The following PIK3CG variants were observed in gnomAD, a reference collection of about 807,000 sequenced individuals.
PIK3CG encodes the protein phosphatidylinositol 4,5-bisphosphate 3-kinase catalytic subunit gamma isoform.
In PIK3CG, 55 loss-of-function variants were observed where a neutral mutation model predicts 102.3. The ratio of observed to expected loss-of-function variants is 0.54; its 90% CI spans 0.43 to 0.67. The LOEUF is 0.67. PIK3CG is among the 30% of genes least tolerant of loss of function. PIK3CG has a pLI of 0.00. For missense variants in PIK3CG, 1,258 were observed against 1,391.8 expected, an observed-to-expected ratio of 0.90 and a Z score of 1.53; for synonymous variants, 552 against 540.0, an observed-to-expected ratio of 1.02 and a Z score of -0.31.
At chr7:106,882,419 A>G (rs1048487351) in intron 7 of PIK3CG, 2 of 340,896 alleles carry the variant, frequency 5.9e-6, no homozygotes, top group African/African-American at 2.1e-5. Flanking sequence ...GTGACTATAC[A>G]TGGAAATGAT....
Position 106,894,193 on chromosome 7 carries a change from T to A in PIK3CG, c.3030+7901T>A, listed in dbSNP as rs1418980565. Among the ~76,000 whole-genome samples the A allele has an allele frequency of 6.6e-6, 1 of 152,162 alleles. No homozygotes were observed. Among genetic ancestry groups the A allele is most frequent in the Non-Finnish European group, 1.5e-5 (1 of 68,028 alleles). ...AACTAATGCTATTTTGACTTTTGTA[T>A]CTCCAAATAGTCCACCTTAAATCCT... On this transcript the variant is annotated intron_variant, in intron 10 of 10. Coordinates refer to ENST00000496166, the MANE Select transcript of PIK3CG (RefSeq NM_001282426.2). This position sits in a 1 kb window ranked among gnomAD's most constrained non-coding sequence, Gnocchi z 4.4.
At chr7:106,904,001 TC>T in intron 10 of PIK3CG, among the ~76,000 whole-genome samples, 2 of 152,100 alleles carry the variant, frequency 1.3e-5, no homozygotes. Context: ...CCTCAAGTGA[TC>T]CACCCACCTT....
chr7:106,876,968 C>T (rs139914959), intron 5 of PIK3CG, among the ~76,000 whole-genome samples: 112 of 151,996 alleles, frequency 7.4e-4, no homozygotes, highest in African/African-American at 2.4e-3. Context: ...GAAGCCAAGG[C>T]GGGAGGATCA....
Position 106,908,894 on chromosome 7 carries a change from A to G in PIK3CG, c.*3507A>G, listed in dbSNP as rs1283268983. Among the ~76,000 whole-genome samples, 2 of 152,168 alleles carry G rather than the reference A, an allele frequency of 1.3e-5. No individual in the cohort carries two copies. The highest frequency in any genetic ancestry group is 2.9e-5 in the Non-Finnish European group (2 of 68,012). ...AACAATATGGAGAAAATAAACTTGT[A>G]TTTTTAAGTGTTCTGTTGGCTTATT... On this transcript the variant is annotated 3_prime_UTR_variant, in exon 11 of 11. Transcript: ENST00000496166. This position sits in a 1 kb window ranked among gnomAD's most constrained non-coding sequence, Gnocchi z 4.1.
At chr7:106,878,079 A>G (rs1244890561) in intron 5 of PIK3CG, among the ~76,000 whole-genome samples, 3 of 152,222 alleles carry the variant, frequency 2.0e-5, no homozygotes, top group Non-Finnish European at 2.9e-5. Context: ...TTTGCTGACA[A>G]TAAATTCTTT....
chr7:106,882,072 G>C (rs1790956191), intron 6 of PIK3CG, 45 bp from the exon 7 acceptor site: 8 of 795,330 alleles, frequency 1.0e-5, no homozygotes, highest in South Asian at 4.2e-5. Flanking sequence ...AATATATTAA[G>C]TTAATATATA....
At position 106,890,869 on chromosome 7, in the gene PIK3CG, T is replaced by C. The variant is rs535709239; in HGVS notation, c.3030+4577T>C. Among the ~76,000 whole-genome samples, 3 of 152,308 alleles carry C rather than the reference T, an allele frequency of 2.0e-5. No homozygotes were observed. Among genetic ancestry groups the C allele is most frequent in the South Asian group, 4.1e-4 (2 of 4,832 alleles). On this transcript the variant is annotated intron_variant, in intron 10 of 10. Coordinates refer to ENST00000496166, the MANE Select transcript of PIK3CG (RefSeq NM_001282426.2). The surrounding 1 kb of genome is among the most constrained non-coding windows in gnomAD (Gnocchi z 4.2). ...TGGCCTTCCTCCACATCTTCCCCCA[T>C]CCCAGCTACCCACTGCTTTCTTCCC... is the stretch of plus-strand genomic sequence containing the variant.
In PIK3CG at chr7:106,868,582, A is replaced by G. The variant is rs2116444317; in HGVS notation, c.1021A>G (p.Ile341Val). ...CACCGGCTACCATGAGCAGCTTACC[A>G]TCCACGGCAAGGACCACGAGAGTGT... The part of the protein sequence containing the change: ...GVTGYHEQLT[I>V]HGKDHESVFT... Residue 341 changes from isoleucine (I) to valine (V), a missense_variant, in exon 2 of 11, where the codon ATC becomes GTC. By Grantham distance (29) the Ile-to-Val change is conservative (BLOSUM62 3). This residue lies in a region of PIK3CG where 832 missense variants were observed against 787.5 expected (regional missense o/e 1.06). Transcript: ENST00000496166. This position sits in a 1 kb window ranked among gnomAD's most constrained non-coding sequence, Gnocchi z 6.2. 1 of 1,614,152 alleles carries G rather than the reference A, an allele frequency of 6.2e-7. No homozygotes were observed. The highest frequency in any genetic ancestry group is 2.2e-5 in the East Asian group (1 of 44,872).
rs183450918 is a variant in PIK3CG, at chr7:106,873,708, A to G, written c.2287+770A>G. Among the ~76,000 whole-genome samples the G allele has an allele frequency of 8.6e-5, 13 of 150,610 alleles. No homozygotes were observed. The East Asian group carries it at 1.4e-3, about 16-fold the overall frequency. ...CAATCCTTACAGACAGCAAGAGACG[A>G]CTCTGTATCTGTGTGTGTGTGTGTG... is the stretch of plus-strand genomic sequence containing the variant. On this transcript the variant is annotated intron_variant, in intron 4 of 10. Coordinates refer to ENST00000496166, the MANE Select transcript of PIK3CG (RefSeq NM_001282426.2).
chr7:106,896,888 C>T (rs1791422929), intron 10 of PIK3CG, among the ~76,000 whole-genome samples: 1 of 152,192 alleles, frequency 6.6e-6, no homozygotes, highest in African/African-American at 2.4e-5. Flanking sequence ...CAGAATGACA[C>T]AAGCCTGACC....
Position 106,869,655 on chromosome 7 carries a change from C to A in PIK3CG, c.1995+99C>A. On this transcript the variant is annotated intron_variant, in intron 2 of 10. Transcript: ENST00000496166. The surrounding 1 kb of genome is among the most constrained non-coding windows in gnomAD (Gnocchi z 5.3). The stretch of plus-strand genomic sequence containing the variant: ...CAGTTGTCATCAAATGCCCTTTGTT[C>A]AGAGCTTCATCATCGGCAAAAGTAG... 1.0e-6 allele frequency: 1 copy of A among 994,552 alleles called. No homozygotes were observed. Among genetic ancestry groups the A allele is most frequent in the Non-Finnish European group, 1.5e-6 (1 of 683,526 alleles). 61.6% of individuals were successfully genotyped at this position (994,552 alleles called of 1,614,324 possible).
Position 106,880,678 on chromosome 7 carries a change from GT to G in PIK3CG, c.2538+1022del, listed in dbSNP as rs751485127. 1.3e-5 allele frequency among the ~76,000 whole-genome samples: 2 copies of G among 150,570 alleles called. No individual in the cohort carries two copies. The highest frequency in any genetic ancestry group is 1.9e-4 in the East Asian group (1 of 5,140). ...TGCCCTTTATGTACTTTGTGGTTTTGTTTTTTTTTAATTTTTTTAAGATGAG... is the reference window on the plus strand; with the variant it reads ...TGCCCTTTATGTACTTTGTGGTTTTGTTTTTTTTAATTTTTTTAAGATGAG... On this transcript the variant is annotated intron_variant, in intron 6 of 10. Transcript: ENST00000496166. The surrounding 1 kb of genome is among the most constrained non-coding windows in gnomAD (Gnocchi z 4.2).
In PIK3CG at chr7:106,869,126, A is replaced by G. The variant is rs61749915; in HGVS notation, c.1565A>G (p.Asn522Ser). The change falls in exon 2 of 11, where the codon AAT (asparagine) becomes AGT (serine). Residue 522 changes from asparagine to serine, a missense_variant. Physicochemically the swap from Asn to Ser is conservative, Grantham distance 46. Coordinates refer to ENST00000496166, the MANE Select transcript of PIK3CG (RefSeq NM_001282426.2). The surrounding 1 kb of genome is among the most constrained non-coding windows in gnomAD (Gnocchi z 5.3). ...ATGTCCATCTCCATTCTTCTGGACA[A>G]TTACTGCCACCCGATAGCCCTGCCT... ...NSMSISILLD[N>S]YCHPIALPKH... The G allele has an allele frequency of 0.018, 28,767 of 1,614,166 alleles. 301 individuals are homozygous for G. The highest frequency in any genetic ancestry group is 0.022 in the Non-Finnish European group (25,561 of 1,180,026).
rs77939967 is a variant in PIK3CG, at chr7:106,874,871, C to G, written c.2391+68C>G. On this transcript the variant is annotated intron_variant, in intron 5 of 10. Coordinates refer to ENST00000496166, the MANE Select transcript of PIK3CG (RefSeq NM_001282426.2). This position sits in a 1 kb window ranked among gnomAD's most constrained non-coding sequence, Gnocchi z 4.3. Reference sequence around the variant, plus strand: ...AAGATGTCTAACGTGCTTGCTGGGGCCCAGTACTTAAAAGCTAATGTTTAT... The same window carrying G: ...AAGATGTCTAACGTGCTTGCTGGGGGCCAGTACTTAAAAGCTAATGTTTAT... 1.0e-6 allele frequency: 1 copy of G among 1,004,986 alleles called. No homozygotes were observed. The highest frequency in any genetic ancestry group is 2.4e-5 in the East Asian group (1 of 41,390). The allele number at this position is 1,004,986 out of a possible 1,614,324, so 62.3% of individuals were successfully genotyped here.
chr7:106,907,683 A>G lies in PIK3CG; in HGVS notation c.*2296A>G, dbSNP rs1326337295. Among the ~76,000 whole-genome samples, 3 of 149,224 alleles carry G rather than the reference A, an allele frequency of 2.0e-5. No individual in the cohort carries two copies. Among genetic ancestry groups the G allele is most frequent in the African/African-American group, 7.3e-5 (3 of 40,906 alleles). ...TTAGCTTATTGGCACATGTGCATAC[A>G]TATTTCCTCTTCAAATGAACCAGTT... On this transcript the variant is annotated 3_prime_UTR_variant, in exon 11 of 11. Transcript: ENST00000496166.
chr7:106,875,315 A>C (rs969403638), intron 5 of PIK3CG, among the ~76,000 whole-genome samples: 39 of 150,632 alleles, frequency 2.6e-4, no homozygotes, highest in African/African-American at 9.0e-4. Context: ...AGCCAAGATC[A>C]CGCCACTACA....
chr7:106,868,268 C>T lies in PIK3CG; in HGVS notation c.707C>T (p.Ser236Leu), dbSNP rs750113758. The T allele has an allele frequency of 3.1e-6, 5 of 1,613,870 alleles. No homozygotes were observed. The South Asian group carries it at 5.5e-5, about 18-fold the overall frequency. The change falls in exon 2 of 11, where the codon TCA (serine) becomes TTA (leucine). Residue 236 changes from serine to leucine, a missense_variant. Ser to Leu is a moderately radical substitution (Grantham distance 145). Around this residue, in one of 2 missense-constraint regions of PIK3CG, gnomAD observed 832 missense variants for 787.5 expected, o/e 1.06. Coordinates refer to ENST00000496166, the MANE Select transcript of PIK3CG (RefSeq NM_001282426.2). This position sits in a 1 kb window ranked among gnomAD's most constrained non-coding sequence, Gnocchi z 6.2. ...ACCACCAGCCAGACCATTAAGGTCT[C>T]ACCCGACGACACCCCCGGCGCCATC... ...RSTTSQTIKVSPDDTPGAILQ... is the reference protein window; with the variant it reads ...RSTTSQTIKVLPDDTPGAILQ...
chr7:106,877,254 C>CT lies in PIK3CG; in HGVS notation c.2392-2264dup, dbSNP rs1790781188. On this transcript the variant is annotated intron_variant, in intron 5 of 10. Coordinates refer to ENST00000496166, the MANE Select transcript of PIK3CG (RefSeq NM_001282426.2). The surrounding 1 kb of genome is among the most constrained non-coding windows in gnomAD (Gnocchi z 4.5). Reference sequence around the variant, plus strand: ...AGTGCCTCAGCCTGGGGTAATCCCTCTGTCTGCCAAGGGACATTTGGCAAT... The same window carrying CT: ...AGTGCCTCAGCCTGGGGTAATCCCTCTTGTCTGCCAAGGGACATTTGGCAAT... Among the ~76,000 whole-genome samples, 1 of 152,188 alleles carries CT rather than the reference C, an allele frequency of 6.6e-6. No homozygotes were observed.
chr7:106,897,001 A>G lies in PIK3CG; in HGVS notation c.3031-8108A>G, dbSNP rs1432678423. On this transcript the variant is annotated intron_variant, in intron 10 of 10. Coordinates refer to ENST00000496166, the MANE Select transcript of PIK3CG (RefSeq NM_001282426.2). The surrounding 1 kb of genome is among the most constrained non-coding windows in gnomAD (Gnocchi z 4.6). The stretch of plus-strand genomic sequence containing the variant: ...TTAATATTTTGTCCTATAAATTTAT[A>G]TTCTTTTTTCTATATAAATATTTTG... 6.6e-6 allele frequency among the ~76,000 whole-genome samples: 1 copy of G among 152,202 alleles called. No individual in the cohort carries two copies. The highest frequency in any genetic ancestry group is 1.5e-5 in the Non-Finnish European group (1 of 68,042).
Sources: allele counts gnomAD v4.1 joint callset (sites outside exome capture counted in the v4.1 genomes callset), GRCh38; gene constraint gnomAD v4.1.1; regional missense constraint gnomAD v4.1.1; non-coding constraint Gnocchi (gnomAD v3.1); transcripts MANE v1.5; gene names NCBI Gene and HGNC (gene_info 2026-07-23, HGNC 2026-07-21).